PACRG: variants seen among roughly 807,000 people sequenced by gnomAD.
PACRG encodes the protein parkin coregulated gene protein.
A neutral mutation model predicts 29.7 loss-of-function variants in PACRG; 29 were observed. That is an observed-to-expected ratio of 0.98 (90% CI 0.73 to 1.33). PACRG has a LOEUF of 1.33. PACRG is among the 40% of genes most tolerant of loss of function. PACRG has a pLI of 0.00. For missense variants in PACRG, 279 were observed against 316.2 expected (o/e 0.88, Z 0.89); for synonymous variants, 116 against 118.7 (o/e 0.98, Z 0.15).
At chr6:162,778,114 C>T (rs1031428505) in intron 1 of PACRG, among the ~76,000 whole-genome samples, 3 of 152,114 alleles carry the variant, frequency 2.0e-5, no homozygotes, top group South Asian at 2.1e-4. Flanking sequence ...GAAGGTTTTT[C>T]GGTGTTTTGG....
intron 3 of PACRG, among the ~76,000 whole-genome samples, chr6:163,065,575 G>A (rs1027638435): frequency 6.6e-6 from 1 of 152,056 alleles, no homozygotes; most frequent in African/African-American, 2.4e-5. Flanking sequence ...GGGGCCATGG[G>A]AAAAATCTCT....
intron 4 of PACRG, among the ~76,000 whole-genome samples, chr6:163,204,711 A>T (rs1780834408): frequency 6.6e-6 from 1 of 152,156 alleles, no homozygotes; most frequent in East Asian, 1.9e-4. Context: ...TGCATAAGAA[A>T]TGTTTCTGGA....
chr6:162,797,111 T>A (rs542199118), intron 1 of PACRG, among the ~76,000 whole-genome samples: 2 of 152,246 alleles, frequency 1.3e-5, no homozygotes, highest in South Asian at 4.1e-4. Flanking sequence ...CCCCCGTCTC[T>A]ACTAAAAATA....
chr6:163,115,019 A>G (rs1203990544), intron 4 of PACRG, among the ~76,000 whole-genome samples: 10 of 152,238 alleles, frequency 6.6e-5, no homozygotes, highest in Admixed American at 6.5e-4. Flanking sequence ...AGCTGGAAAT[A>G]AAAGAGGAAG....
intron 2 of PACRG, among the ~76,000 whole-genome samples, chr6:162,874,007 A>G (rs1191422681): frequency 6.6e-6 from 1 of 152,112 alleles, no homozygotes; most frequent in African/African-American, 2.4e-5. Flanking sequence ...CTGATTGTGC[A>G]CTTCCATGTC....
intron 2 of PACRG, among the ~76,000 whole-genome samples, chr6:162,990,197 A>C (rs1803318052): frequency 6.6e-6 from 1 of 151,446 alleles, no homozygotes; most frequent in South Asian, 2.1e-4. Context: ...TGCAATAAAC[A>C]TACGTGTGCA....
At chr6:163,005,414 T>C (rs982109570) in intron 2 of PACRG, among the ~76,000 whole-genome samples, 4 of 152,000 alleles carry the variant, frequency 2.6e-5, no homozygotes, top group Non-Finnish European at 5.9e-5. Flanking sequence ...CAGACCTTTC[T>C]TCTTCTTTTC....
chr6:162,798,502 T>C (rs906038671), intron 1 of PACRG, among the ~76,000 whole-genome samples: 7 of 152,214 alleles, frequency 4.6e-5, no homozygotes, highest in African/African-American at 1.7e-4. Context: ...TGGTCAGTTT[T>C]TCTCCTAATT....
chr6:163,151,785 G>A (rs9458733), intron 4 of PACRG, among the ~76,000 whole-genome samples: 5,016 of 152,094 alleles, frequency 0.033, 281 homozygotes, highest in African/African-American at 0.11. Context: ...ATTTTTTAAC[G>A]GAACTTAAAT....
intron 2 of PACRG, among the ~76,000 whole-genome samples, chr6:162,933,601 C>CT (rs71008119): frequency 0.014 from 1,054 of 74,618 alleles, 14 homozygotes; most frequent in African/African-American, 0.042. Flanking sequence ...CTTTCTGTAT[C>CT]TTTTTTTTTT....
chr6:162,815,946 A>G (rs890021616), intron 2 of PACRG, among the ~76,000 whole-genome samples: 4 of 152,172 alleles, frequency 2.6e-5, no homozygotes, highest in African/African-American at 7.2e-5. Context: ...AATTGTATTA[A>G]TGAAAATAAA....
chr6:162,848,055 A>G (rs1010378312), intron 2 of PACRG, among the ~76,000 whole-genome samples: 2 of 152,098 alleles, frequency 1.3e-5, no homozygotes, highest in Non-Finnish European at 2.9e-5. Context: ...CGGGAGCTAC[A>G]GTGTCGGGAA....
intron 1 of PACRG, among the ~76,000 whole-genome samples, chr6:162,798,799 A>C (rs1035638786): frequency 2.0e-5 from 3 of 152,150 alleles, no homozygotes; most frequent in Non-Finnish European, 4.4e-5. Context: ...TTTCAAAGGA[A>C]AGATGTATTA....
At chr6:162,751,130 T>C (rs936160002) in intron 1 of PACRG, among the ~76,000 whole-genome samples, 11 of 152,018 alleles carry the variant, frequency 7.2e-5, no homozygotes, top group Admixed American at 6.5e-5. Flanking sequence ...TTTATGCATA[T>C]GATACAAGCC....
At chr6:163,068,337 G>A (rs768568964) in intron 3 of PACRG, among the ~76,000 whole-genome samples, 16 of 152,182 alleles carry the variant, frequency 1.1e-4, no homozygotes, top group Middle Eastern at 3.4e-3. Context: ...TGTCTCTATC[G>A]CCTCCAGAGT....
chr6:163,252,816 T>C (rs928951258), intron 4 of PACRG, among the ~76,000 whole-genome samples: 35 of 152,224 alleles, frequency 2.3e-4, no homozygotes, highest in African/African-American at 8.2e-4. Flanking sequence ...CGTTATACTC[T>C]TGTGCAGTCG....
At chr6:163,208,994 G>T (rs1231229419) in intron 4 of PACRG, among the ~76,000 whole-genome samples, 1 of 152,168 alleles carries the variant, frequency 6.6e-6, no homozygotes. Context: ...GAGTGGATAG[G>T]CAAGCTGGAT....
At chr6:163,292,887 C>T (rs943901959) in intron 4 of PACRG, among the ~76,000 whole-genome samples, 2 of 152,140 alleles carry the variant, frequency 1.3e-5, no homozygotes, top group African/African-American at 4.8e-5. Flanking sequence ...ATTCCTTGTG[C>T]GTTGCTATTA....
intron 4 of PACRG, among the ~76,000 whole-genome samples, chr6:163,224,494 C>A (rs1002922579): frequency 6.6e-6 from 1 of 151,226 alleles, no homozygotes; most frequent in East Asian, 1.9e-4. Context: ...GACATGTAGA[C>A]CAAATAGAAC....
Sources: allele counts gnomAD v4.1 joint callset (sites outside exome capture counted in the v4.1 genomes callset), GRCh38; gene constraint gnomAD v4.1.1; transcripts MANE v1.5; gene names NCBI Gene and HGNC (gene_info 2026-07-23, HGNC 2026-07-21).